PTK2: variants seen among roughly 807,000 people sequenced by gnomAD.
PTK2 encodes the protein focal adhesion kinase 1.
PTK2 carries 45 observed loss-of-function variants against 150.1 expected under a neutral mutation model. That is an observed-to-expected ratio of 0.30 (90% CI 0.24 to 0.38). PTK2 has a LOEUF of 0.38. PTK2 is among the 10% of genes least tolerant of loss of function. The pLI is 1.00. For missense variants in PTK2, 919 were observed against 1,307.3 expected (o/e 0.70, Z 4.58); for synonymous variants, 432 against 449.2 (o/e 0.96, Z 0.48).
chr8:140,716,242 G>A (rs2154254980), intron 23 of PTK2, among the ~76,000 whole-genome samples: 1 of 152,268 alleles, frequency 6.6e-6, no homozygotes, highest in East Asian at 1.9e-4. Flanking sequence ...AGAAGTTAAT[G>A]ATGAGATTCT....
chr8:140,715,164 T>C (rs1193742376), intron 23 of PTK2, among the ~76,000 whole-genome samples: 1 of 110,744 alleles, frequency 9.0e-6, no homozygotes, highest in African/African-American at 3.7e-5. Flanking sequence ...CGTTTTTTTT[T>C]TTTTTTTTTT....
At chr8:140,987,915 A>G (rs11990541) in intron 1 of PTK2, among the ~76,000 whole-genome samples, 63,410 of 151,822 alleles carry the variant, frequency 0.42, 15,158 homozygotes, top group Non-Finnish European at 0.55. Context: ...TGTGATGGTG[A>G]GTGCCTGTAG....
chr8:140,833,372 C>A (rs1372432986), intron 7 of PTK2, among the ~76,000 whole-genome samples: 1 of 152,204 alleles, frequency 6.6e-6, no homozygotes, highest in East Asian at 1.9e-4. Flanking sequence ...GCCTTTAACA[C>A]ATTTTAATTT....
intron 4 of PTK2, among the ~76,000 whole-genome samples, chr8:140,867,788 AGTC>A (rs1377012940): frequency 5.3e-5 from 8 of 152,242 alleles, no homozygotes; most frequent in Admixed American, 5.2e-4. Flanking sequence ...AACACACTAC[AGTC>A]TAGCATATTT....
chr8:140,822,435 T>A (rs1440330454), intron 8 of PTK2: 1 of 151,762 alleles, frequency 6.6e-6, no homozygotes, highest in African/African-American at 2.4e-5. Flanking sequence ...TCCGTGGAAA[T>A]AAACAAAGTC....
At chr8:140,880,421 A>G (rs1274773057) in intron 3 of PTK2, among the ~76,000 whole-genome samples, 2 of 152,166 alleles carry the variant, frequency 1.3e-5, no homozygotes, top group Non-Finnish European at 2.9e-5. Context: ...CCATGAGAGA[A>G]TATGTTGTTA....
At chr8:140,821,221 A>C (rs2154602065) in intron 8 of PTK2, 1 of 152,420 alleles carries the variant, frequency 6.6e-6, no homozygotes, top group Middle Eastern at 3.4e-3. Flanking sequence ...GGATTACCTA[A>C]GGCATGTGAC....
intron 7 of PTK2, among the ~76,000 whole-genome samples, chr8:140,832,561 G>T (rs1459021852): frequency 6.6e-6 from 1 of 152,192 alleles, no homozygotes; most frequent in African/African-American, 2.4e-5. Flanking sequence ...CTGCTGTCTG[G>T]ACAGCTTCTG....
intron 11 of PTK2, among the ~76,000 whole-genome samples, chr8:140,802,469 T>C (rs1490791220): frequency 6.6e-6 from 1 of 152,178 alleles, no homozygotes; most frequent in East Asian, 1.9e-4. Context: ...GTTTATAAAA[T>C]ATAAAAGTTA....
chr8:140,956,813 C>T (rs1174488589), intron 1 of PTK2, among the ~76,000 whole-genome samples: 2 of 152,080 alleles, frequency 1.3e-5, no homozygotes, highest in South Asian at 2.1e-4. Flanking sequence ...ACCTGTAATC[C>T]CAGCACTTTG....
intron 16 of PTK2, among the ~76,000 whole-genome samples, chr8:140,758,845 C>A (rs986487050): frequency 6.6e-6 from 1 of 152,210 alleles, no homozygotes; most frequent in Non-Finnish European, 1.5e-5. Context: ...CCTAGTCCTG[C>A]AAACTCCATT....
intron 10 of PTK2, among the ~76,000 whole-genome samples, chr8:140,811,914 T>C (rs4425800): frequency 0.26 from 39,408 of 152,094 alleles, 5,718 homozygotes; most frequent in Admixed American, 0.37. Flanking sequence ...TACGGGATTA[T>C]GTAAAGAGAC....
In PTK2 at chr8:140,735,245, T is replaced by C; in HGVS notation, c.2030+6A>G. The C allele has an allele frequency of 6.2e-7, 1 of 1,613,270 alleles. No individual in the cohort carries two copies. The highest frequency in any genetic ancestry group is 1.1e-5 in the South Asian group (1 of 90,984). On this transcript the variant is annotated splice_donor_region_variant and intron_variant, in intron 22 of 31. Transcript: ENST00000522684. ...CCCCCAGGCCCTCTCTCCCGCCAAC[T>C]CCTACCTGAGCTGAGCTTTAAGTTC...
At chr8:140,694,340 C>T (rs1044336788) in intron 26 of PTK2, among the ~76,000 whole-genome samples, 8 of 152,108 alleles carry the variant, frequency 5.3e-5, no homozygotes, top group African/African-American at 1.9e-4. Context: ...CGCACCCGGC[C>T]TGGTAAGCAT....
chr8:140,667,413 C>T (rs1052569882), intron 30 of PTK2, among the ~76,000 whole-genome samples: 2 of 152,060 alleles, frequency 1.3e-5, no homozygotes, highest in South Asian at 4.1e-4. Context: ...TAAAAGGAGC[C>T]ATTGCTGACT....
intron 2 of PTK2, among the ~76,000 whole-genome samples, chr8:140,912,894 C>T (rs968255113): frequency 5.3e-5 from 8 of 151,784 alleles, no homozygotes; most frequent in Non-Finnish European, 5.9e-5. Context: ...TGCAGTGAGC[C>T]GAGATCGTGC....
chr8:140,720,134 T>C (rs1486698106), intron 22 of PTK2, among the ~76,000 whole-genome samples: 6 of 152,110 alleles, frequency 3.9e-5, no homozygotes, highest in Non-Finnish European at 1.5e-5. Context: ...AATGTTTGTG[T>C]GCTTTTGGAA....
intron 1 of PTK2, among the ~76,000 whole-genome samples, chr8:140,941,058 T>C (rs1469895903): frequency 3.0e-4 from 45 of 152,016 alleles, no homozygotes; most frequent in Admixed American, 3.0e-3. Flanking sequence ...ATGAACACAA[T>C]ATGAACAGCT....
intron 8 of PTK2, chr8:140,821,103 G>A (rs574963650): frequency 4.6e-5 from 7 of 152,358 alleles, no homozygotes; most frequent in African/African-American, 1.7e-4. Context: ...TTAGGGAGGG[G>A]GTTCGATTAC....
Sources: gnomAD v4.1 joint callset for allele counts (sites outside exome capture counted in the v4.1 genomes callset) on GRCh38, gnomAD v4.1.1 for gene constraint, MANE v1.5 for transcripts, NCBI Gene and HGNC (gene_info 2026-07-23, HGNC 2026-07-21) for gene names.